CARMIL1: variants seen among roughly 807,000 people sequenced by gnomAD.
CARMIL1 encodes F-actin-uncapping protein LRRC16A.
A neutral mutation model predicts 177.1 loss-of-function variants in CARMIL1; 90 were observed. That is an observed-to-expected ratio of 0.51 (90% CI 0.43 to 0.61). CARMIL1 has a LOEUF of 0.61. Among genes scored for constraint, CARMIL1 ranks in the 20% least tolerant of loss-of-function variants. The probability of loss-of-function intolerance (pLI) is 0.00; values close to 1 mark genes in which losing one functional copy is unlikely to be tolerated. For missense variants in CARMIL1, 1,380 were observed against 1,667.0 expected (o/e 0.83, Z 3.00); for synonymous variants, 577 against 606.2 (o/e 0.95, Z 0.71).
At chr6:25,317,124 G>A (rs1049442068) in intron 2 of CARMIL1, among the ~76,000 whole-genome samples, 3 of 152,040 alleles carry the variant, frequency 2.0e-5, no homozygotes, top group Admixed American at 2.0e-4. Flanking sequence ...AGTTGAGTTA[G>A]GGTGTTTTTT....
intron 11 of CARMIL1, among the ~76,000 whole-genome samples, chr6:25,480,483 G>C (rs1215295872): frequency 6.6e-6 from 1 of 151,474 alleles, no homozygotes; most frequent in East Asian, 1.9e-4. Flanking sequence ...CTTTTAGTTA[G>C]TGTTTGTAGC....
intron 4 of CARMIL1, chr6:25,432,834 T>C (rs1297678953): frequency 1.3e-5 from 2 of 152,156 alleles, no homozygotes; most frequent in African/African-American, 2.4e-5. Flanking sequence ...GTCAGGTTGT[T>C]CGACCTTAAA....
chr6:25,620,197 A>C lies in CARMIL1; in HGVS notation c.*614A>C, dbSNP rs1181970958. ...CTTCCTTCCTGATGTGGAATTGTAC[A>C]TTTAAAGCTTGGTCGGTGACCTTTG... is the stretch of plus-strand genomic sequence containing the variant. On this transcript the variant is annotated 3_prime_UTR_variant, in exon 37 of 37. Coordinates refer to ENST00000329474, the MANE Select transcript of CARMIL1 (RefSeq NM_017640.6). 1 of 152,588 alleles carries C rather than the reference A, an allele frequency of 6.6e-6. No individual in the cohort carries two copies. The allele number at this position is 152,588 out of a possible 1,614,324, so 9.5% of individuals were successfully genotyped here. A position where few individuals can be genotyped will look rare whatever the true frequency, so the allele number is the denominator to read the frequency against.
intron 16 of CARMIL1, among the ~76,000 whole-genome samples, chr6:25,499,622 G>C (rs1353180364): frequency 1.3e-5 from 2 of 152,150 alleles, no homozygotes; most frequent in Non-Finnish European, 2.9e-5. Flanking sequence ...TCCAATTCAA[G>C]ACATATGCCT....
intron 8 of CARMIL1, chr6:25,452,037 C>T (rs780940100): frequency 4.3e-6 from 2 of 467,810 alleles, no homozygotes; most frequent in Non-Finnish European, 8.5e-6. Context: ...TTCCACCTAC[C>T]TGGCAGGAAA....
At chr6:25,538,700 A>G (rs1227395884) in intron 25 of CARMIL1, among the ~76,000 whole-genome samples, 1 of 152,186 alleles carries the variant, frequency 6.6e-6, no homozygotes, top group African/African-American at 2.4e-5. Context: ...TGTTATTAAT[A>G]AAAAGCCCCT....
intron 2 of CARMIL1, among the ~76,000 whole-genome samples, chr6:25,409,631 A>T (rs1794729824): frequency 6.6e-6 from 1 of 152,176 alleles, no homozygotes; most frequent in Non-Finnish European, 1.5e-5. Flanking sequence ...TTACAGGTGC[A>T]TATGGTACCG....
intron 2 of CARMIL1, among the ~76,000 whole-genome samples, chr6:25,306,432 T>C (rs1196390043): frequency 6.6e-6 from 1 of 152,136 alleles, no homozygotes; most frequent in Non-Finnish European, 1.5e-5. Flanking sequence ...GTGTGCTCCA[T>C]ATGAGAATCT....
chr6:25,360,230 C>T (rs1789053427), intron 2 of CARMIL1, among the ~76,000 whole-genome samples: 1 of 152,152 alleles, frequency 6.6e-6, no homozygotes, highest in Non-Finnish European at 1.5e-5. Flanking sequence ...TCCCTCCTTC[C>T]ATCAGTTTTA....
chr6:25,417,372 A>T, intron 2 of CARMIL1, among the ~76,000 whole-genome samples: 1 of 152,122 alleles, frequency 6.6e-6, no homozygotes, highest in East Asian at 1.9e-4. Flanking sequence ...CAACAAAATG[A>T]TCTCCTGCCC....
intron 27 of CARMIL1, among the ~76,000 whole-genome samples, chr6:25,553,717 C>A (rs1810353158): frequency 6.6e-6 from 1 of 152,272 alleles, no homozygotes; most frequent in East Asian, 1.9e-4. Context: ...ACATATGGTT[C>A]CCATTAACTT....
At chr6:25,476,457 C>G (rs1801586954) in intron 11 of CARMIL1, among the ~76,000 whole-genome samples, 1 of 152,206 alleles carries the variant, frequency 6.6e-6, no homozygotes, top group African/African-American at 2.4e-5. Context: ...CCAGTGCTCA[C>G]AGGCAACTGC....
intron 2 of CARMIL1, among the ~76,000 whole-genome samples, chr6:25,293,265 G>GT (rs1554152239): frequency 1.5e-5 from 2 of 134,300 alleles, no homozygotes; most frequent in African/African-American, 2.7e-5. Context: ...AAGGATGCTT[G>GT]GTGTGTGTGT....
At chr6:25,292,161 C>T (rs1458248341) in intron 2 of CARMIL1, among the ~76,000 whole-genome samples, 1 of 152,176 alleles carries the variant, frequency 6.6e-6, no homozygotes, top group Non-Finnish European at 1.5e-5. Flanking sequence ...AGGTTTACAT[C>T]CCTCTGTGAG....
chr6:25,394,052 A>T (rs1200568016), intron 2 of CARMIL1, among the ~76,000 whole-genome samples: 2 of 152,156 alleles, frequency 1.3e-5, no homozygotes, highest in African/African-American at 4.8e-5. Context: ...AAGAGTGTTA[A>T]GTGAGCACCC....
In CARMIL1 at chr6:25,348,665, C is replaced by G. The variant is rs974705747; in HGVS notation, c.138+63756C>G. ...GGCGTGGCTGCGTGTGCCTGTAATCCCAGCTATTCAGGAGGCTGAGGCAGG... is the reference window on the plus strand; with the variant it reads ...GGCGTGGCTGCGTGTGCCTGTAATCGCAGCTATTCAGGAGGCTGAGGCAGG... On this transcript the variant is annotated intron_variant, in intron 2 of 36. Coordinates refer to ENST00000329474, the MANE Select transcript of CARMIL1 (RefSeq NM_017640.6). 9.9e-5 allele frequency among the ~76,000 whole-genome samples: 15 copies of G among 151,754 alleles called. 1 individual carries two copies. In the East Asian group the frequency reaches 2.9e-3, roughly 30 times the overall value.
intron 36 of CARMIL1, among the ~76,000 whole-genome samples, chr6:25,610,897 T>C (rs1816456700): frequency 6.6e-6 from 1 of 152,226 alleles, no homozygotes; most frequent in South Asian, 2.1e-4. Context: ...TCCTATGTAA[T>C]GTATAGTGTA....
At chr6:25,338,551 CTTT>C (rs34070479) in intron 2 of CARMIL1, among the ~76,000 whole-genome samples, 14 of 141,452 alleles carry the variant, frequency 9.9e-5, no homozygotes, top group Admixed American at 1.4e-4. Context: ...GCTGGTCCTA[CTTT>C]TTTTTTTTTT....
At chr6:25,566,253 C>T (rs1811547123) in intron 29 of CARMIL1, among the ~76,000 whole-genome samples, 1 of 152,218 alleles carries the variant, frequency 6.6e-6, no homozygotes, top group Non-Finnish European at 1.5e-5. Flanking sequence ...GTGTCAAATC[C>T]TCTGATAGCT....
Sources: allele counts gnomAD v4.1 joint callset (sites outside exome capture counted in the v4.1 genomes callset), GRCh38; gene constraint gnomAD v4.1.1; transcripts MANE v1.5; gene names NCBI Gene and HGNC (gene_info 2026-07-23, HGNC 2026-07-21).